Variants in NTM observed in about 807,000 individuals in gnomAD.
NTM encodes the protein IgLON family member 2.
NTM carries 13 observed loss-of-function variants against 42.1 expected under a neutral mutation model. The ratio of observed to expected loss-of-function variants is 0.31; its 90% confidence interval spans 0.20 to 0.49. The LOEUF is 0.49. Ranked by LOEUF, NTM falls within the 20% of genes least tolerant of loss-of-function variation. The pLI is 0.99. For synonymous variants in NTM, 187 were observed against 179.2 expected, an observed-to-expected ratio of 1.04 and a Z score of -0.35; for missense variants, 373 against 452.8, an observed-to-expected ratio of 0.82 and a Z score of 1.60.
intron 1 of NTM, among the ~76,000 whole-genome samples, chr11:131,890,502 C>T (rs1436957042): frequency 2.6e-5 from 4 of 152,184 alleles, no homozygotes; most frequent in Non-Finnish European, 5.9e-5. Context: ...CGAGGAAACT[C>T]ATGAGCGCTC....
intron 7 of NTM, among the ~76,000 whole-genome samples, chr11:132,318,139 G>A (rs1218831235): frequency 2.0e-5 from 3 of 152,168 alleles, no homozygotes; most frequent in Admixed American, 2.0e-4. Flanking sequence ...CTCCAAAGGA[G>A]GAGGATAGGC....
chr11:132,000,842 T>C (rs1034777131), intron 2 of NTM, among the ~76,000 whole-genome samples: 3 of 152,192 alleles, frequency 2.0e-5, no homozygotes, highest in African/African-American at 4.8e-5. Flanking sequence ...CTGTGGAATA[T>C]GCAATGATAT....
At chr11:131,679,812 C>T (rs561563561) in intron 1 of NTM, among the ~76,000 whole-genome samples, 1 of 152,030 alleles carries the variant, frequency 6.6e-6, no homozygotes, top group Non-Finnish European at 1.5e-5. Flanking sequence ...TTCTGACGGC[C>T]CTCCCAGTCA....
At chr11:131,860,928 G>A (rs1012756683) in intron 1 of NTM, among the ~76,000 whole-genome samples, 2 of 152,148 alleles carry the variant, frequency 1.3e-5, no homozygotes, top group Non-Finnish European at 2.9e-5. Context: ...GTCCACAACT[G>A]GGCACCTCCT....
chr11:131,915,814 C>T (rs1375889784), intron 2 of NTM, among the ~76,000 whole-genome samples: 4 of 152,208 alleles, frequency 2.6e-5, no homozygotes, highest in Non-Finnish European at 5.9e-5. Flanking sequence ...TCCTGTGAGA[C>T]TGATTCACTA....
In NTM at chr11:131,998,014, T is replaced by C. The variant is rs139093842; in HGVS notation, c.167+86366T>C. ...CTTCCACCCCAGGACCCACCTTTGC[T>C]CAAGGCAACCCCTCCCACCCCATGG... On this transcript the variant is annotated intron_variant, in intron 2 of 8. Coordinates refer to ENST00000683400, the MANE Select transcript of NTM (RefSeq NM_001352005.2). 2.8e-3 allele frequency among the ~76,000 whole-genome samples: 416 copies of C among 150,596 alleles called. 1 individual carries two copies. The highest frequency in any genetic ancestry group is 4.5e-3 in the Non-Finnish European group (304 of 67,724).
At chr11:132,168,943 A>G (rs1438023157) in intron 3 of NTM, among the ~76,000 whole-genome samples, 1 of 152,190 alleles carries the variant, frequency 6.6e-6, no homozygotes, top group Non-Finnish European at 1.5e-5. Context: ...TTGTAGTGCA[A>G]GGAAGGACTT....
intron 1 of NTM, among the ~76,000 whole-genome samples, chr11:131,572,713 C>G (rs1259736167): frequency 6.6e-6 from 1 of 152,158 alleles, no homozygotes; most frequent in Admixed American, 6.5e-5. Context: ...CCACGTCACC[C>G]TAGAAAAGAG....
At chr11:131,608,011 G>A (rs549576724) in intron 1 of NTM, among the ~76,000 whole-genome samples, 4 of 152,044 alleles carry the variant, frequency 2.6e-5, no homozygotes, top group Non-Finnish European at 5.9e-5. Context: ...CCATTAACTC[G>A]TCATTTACAT....
rs1591637181 is a variant in NTM, at chr11:132,268,661, TCTC to T, written c.527-39027_527-39025del. Among the ~76,000 whole-genome samples the T allele has an allele frequency of 2.5e-3, 171 of 68,744 alleles. 1 individual carries two copies. The highest frequency in any genetic ancestry group is 2.9e-3 in the South Asian group (9 of 3,104). The allele number at this position is 68,744 out of a possible 152,430, so 45.1% of individuals were successfully genotyped here. On this transcript the variant is annotated intron_variant, in intron 4 of 8. Coordinates refer to ENST00000683400, the MANE Select transcript of NTM (RefSeq NM_001352005.2). ...TGTGTGTTTGTGGTGTGGGGTCCTC[TCTC>T]TCTCTCTGTGTGTGTGTGTGTGTGT...
At chr11:131,804,428 T>G (rs1315165938) in intron 1 of NTM, among the ~76,000 whole-genome samples, 1 of 152,128 alleles carries the variant, frequency 6.6e-6, no homozygotes, top group Non-Finnish European at 1.5e-5. Context: ...CTTCTTAATC[T>G]TCACGCGCAC....
intron 1 of NTM, among the ~76,000 whole-genome samples, chr11:131,657,609 A>G (rs1375965483): frequency 6.6e-6 from 1 of 152,202 alleles, no homozygotes; most frequent in African/African-American, 2.4e-5. Context: ...ATGCTATATT[A>G]CAGCTCAGCA....
intron 1 of NTM, among the ~76,000 whole-genome samples, chr11:131,523,802 A>AAT: frequency 6.6e-6 from 1 of 150,738 alleles, no homozygotes; most frequent in East Asian, 1.9e-4. Flanking sequence ...AAAAAAAAAA[A>AAT]AAAGAATAAG....
At chr11:132,326,129 G>T (rs916552093) in intron 7 of NTM, among the ~76,000 whole-genome samples, 3 of 151,948 alleles carry the variant, frequency 2.0e-5, no homozygotes, top group Non-Finnish European at 4.4e-5. Flanking sequence ...TAACAAACCT[G>T]CACATTGTGC....
intron 3 of NTM, among the ~76,000 whole-genome samples, chr11:132,182,924 C>T (rs1187753115): frequency 6.6e-6 from 1 of 152,130 alleles, no homozygotes; most frequent in Non-Finnish European, 1.5e-5. Context: ...TTTCTGCTTC[C>T]TAGAACACTC....
At chr11:131,532,929 G>A (rs2051515897) in intron 1 of NTM, among the ~76,000 whole-genome samples, 1 of 151,436 alleles carries the variant, frequency 6.6e-6, no homozygotes, top group Non-Finnish European at 1.5e-5. Flanking sequence ...TTTCATTGTT[G>A]TTTTGTTGTT....
chr11:131,660,739 A>T (rs2067920929), intron 1 of NTM: 1 of 616,730 alleles, frequency 1.6e-6, no homozygotes, highest in African/African-American at 1.9e-5. Context: ...ACAAAAGGAA[A>T]ATCACGAAGG....
chr11:132,050,335 C>A (rs1002061031), intron 2 of NTM, among the ~76,000 whole-genome samples: 3 of 152,176 alleles, frequency 2.0e-5, no homozygotes, highest in Admixed American at 1.3e-4. Flanking sequence ...AGCAGCAGAA[C>A]CTTCCATGGC....
intron 1 of NTM, among the ~76,000 whole-genome samples, chr11:131,504,383 A>G (rs1349406678): frequency 6.6e-6 from 1 of 152,184 alleles, no homozygotes; most frequent in Non-Finnish European, 1.5e-5. Context: ...CCCACCTGCC[A>G]TAAATCAGAT....
Sources: gnomAD v4.1 joint callset for allele counts (sites outside exome capture counted in the v4.1 genomes callset) on GRCh38, gnomAD v4.1.1 for gene constraint, MANE v1.5 for transcripts, NCBI Gene and HGNC (gene_info 2026-07-23, HGNC 2026-07-21) for gene names.